ZMYND11: variants seen among roughly 807,000 people sequenced by gnomAD.
The protein encoded by ZMYND11 is zinc finger MYND-type containing 11.
Under a neutral mutation model 84.9 loss-of-function variants are expected in ZMYND11, and 9 were observed. The observed-to-expected ratio is 0.11, with a 90% CI of 0.06 to 0.18. The LOEUF (loss-of-function observed/expected upper bound fraction) is 0.18, where lower values mean the gene tolerates loss of function less well. ZMYND11 is among the 10% of genes least tolerant of loss of function. The probability of loss-of-function intolerance (pLI) is 1.00; values close to 1 mark genes in which losing one functional copy is unlikely to be tolerated. For missense variants in ZMYND11, 409 were observed against 761.0 expected, an observed-to-expected ratio of 0.54 and a Z score of 5.44; for synonymous variants, 250 against 244.1, an observed-to-expected ratio of 1.02 and a Z score of -0.23.
chr10:238,943 T>G (rs1280916167), intron 6 of ZMYND11, among the ~76,000 whole-genome samples: 2 of 152,192 alleles, frequency 1.3e-5, no homozygotes, highest in Non-Finnish European at 1.5e-5. Context: ...AGATGTTATT[T>G]TAAAATTATT....
At chr10:137,241 A>G (rs546729834) in intron 1 of ZMYND11, among the ~76,000 whole-genome samples, 1 of 152,004 alleles carries the variant, frequency 6.6e-6, no homozygotes, top group East Asian at 1.9e-4. Context: ...GGTCATATAC[A>G]GTGTGTACAT....
intron 8 of ZMYND11, 109 bp downstream of exon 8, chr10:240,220 T>G: frequency 9.9e-7 from 1 of 1,011,660 alleles, no homozygotes; most frequent in Non-Finnish European, 1.4e-6. Context: ...TAAATGTCTT[T>G]TATTGCCGGG....
At chr10:219,778 T>C (rs570243774) in intron 3 of ZMYND11, among the ~76,000 whole-genome samples, 1 of 152,252 alleles carries the variant, frequency 6.6e-6, no homozygotes, top group East Asian at 1.9e-4. Context: ...GAAATTACCA[T>C]ACCAAAGGAA....
chr10:201,917 A>T (rs1457518435), intron 2 of ZMYND11, among the ~76,000 whole-genome samples: 1 of 152,228 alleles, frequency 6.6e-6, no homozygotes, highest in East Asian at 1.9e-4. Flanking sequence ...AAGGCCACTT[A>T]TCAGTGTATC....
intron 4 of ZMYND11, 88 bp downstream of exon 4, chr10:221,444 A>G: frequency 1.4e-6 from 2 of 1,385,208 alleles, no homozygotes; most frequent in Non-Finnish European, 2.0e-6. Context: ...TGGTCTTGCC[A>G]GGTGAACGGA....
At chr10:248,691 C>G in intron 13 of ZMYND11, 83 bp downstream of exon 13, 6 of 1,479,880 alleles carry the variant, frequency 4.1e-6, no homozygotes, top group Admixed American at 4.8e-5. Flanking sequence ...TGCATCAACC[C>G]AGTAGCAGCT....
intron 6 of ZMYND11, among the ~76,000 whole-genome samples, chr10:239,125 C>T (rs1426815602): frequency 6.6e-6 from 1 of 152,320 alleles, no homozygotes; most frequent in East Asian, 1.9e-4. Flanking sequence ...CATTCGTGCA[C>T]TACCAAGCTT....
chr10:142,633 C>T (rs1837755939), intron 1 of ZMYND11, among the ~76,000 whole-genome samples: 1 of 152,178 alleles, frequency 6.6e-6, no homozygotes, highest in Non-Finnish European at 1.5e-5. Flanking sequence ...CCCTAAAACC[C>T]ATAAACTTCT....
intron 1 of ZMYND11, among the ~76,000 whole-genome samples, chr10:150,609 C>A (rs1363767324): frequency 1.3e-5 from 2 of 152,158 alleles, no homozygotes; most frequent in African/African-American, 4.8e-5. Context: ...TGGGTGGAGC[C>A]CACTGCAGCT....
chr10:190,474 C>T (rs776719415), intron 2 of ZMYND11, among the ~76,000 whole-genome samples: 32 of 152,298 alleles, frequency 2.1e-4, no homozygotes, highest in African/African-American at 6.7e-4. Flanking sequence ...TGCCTTGGGA[C>T]GCCCTTCCCA....
At chr10:210,541 C>T (rs1057269811) in intron 3 of ZMYND11, among the ~76,000 whole-genome samples, 7 of 152,148 alleles carry the variant, frequency 4.6e-5, no homozygotes, top group African/African-American at 1.2e-4. Flanking sequence ...CCAGTGCCTA[C>T]GTTGACTAAT....
At chr10:251,347 C>T (rs1282839400) in intron 14 of ZMYND11, among the ~76,000 whole-genome samples, 3 of 152,150 alleles carry the variant, frequency 2.0e-5, no homozygotes, top group South Asian at 2.1e-4. Flanking sequence ...CAAGCCGTTT[C>T]CAAAACTGAC....
intron 4 of ZMYND11, among the ~76,000 whole-genome samples, chr10:235,396 A>C (rs1949776752): frequency 6.6e-6 from 1 of 151,966 alleles, no homozygotes. Context: ...AAGTTATATC[A>C]ATTTGTCTCC....
At chr10:236,969 G>A (rs1950098543) in intron 5 of ZMYND11, 54 bp downstream of exon 5, 5 of 1,514,212 alleles carry the variant, frequency 3.3e-6, no homozygotes, top group Non-Finnish European at 4.5e-6. Context: ...TTTTACTATG[G>A]TTCATTCTTT....
chr10:206,971 A>G (rs1245256395), intron 2 of ZMYND11, among the ~76,000 whole-genome samples: 1 of 151,954 alleles, frequency 6.6e-6, no homozygotes, highest in African/African-American at 2.4e-5. Flanking sequence ...TATATCTCCT[A>G]ATGCTATGCC....
intron 8 of ZMYND11, 27 bp downstream of exon 8, chr10:240,138 C>G: frequency 1.3e-6 from 2 of 1,513,546 alleles, no homozygotes; most frequent in Non-Finnish European, 1.8e-6. Flanking sequence ...AATAGTTATA[C>G]TCTTTCTATA....
intron 10 of ZMYND11, among the ~76,000 whole-genome samples, chr10:245,472 TATC>T (rs1454495786): frequency 6.6e-6 from 1 of 152,184 alleles, no homozygotes; most frequent in African/African-American, 2.4e-5. Context: ...AAAACTGTGA[TATC>T]ATATATACTT....
intron 2 of ZMYND11, among the ~76,000 whole-genome samples, chr10:194,209 C>G (rs1410289274): frequency 3.4e-5 from 5 of 148,786 alleles, no homozygotes; most frequent in African/African-American, 1.0e-4. Flanking sequence ...AGGCTGGTCT[C>G]GAACTCCAGG....
intron 1 of ZMYND11, among the ~76,000 whole-genome samples, chr10:144,177 A>T (rs1554754652): frequency 6.6e-6 from 1 of 152,168 alleles, no homozygotes; most frequent in Non-Finnish European, 1.5e-5. Flanking sequence ...GCTGAGGAAA[A>T]ATTTACTATC....
Sources: gnomAD v4.1 joint callset for allele counts (sites outside exome capture counted in the v4.1 genomes callset) on GRCh38, gnomAD v4.1.1 for gene constraint, MANE v1.5 for transcripts, NCBI Gene and HGNC (gene_info 2026-07-23, HGNC 2026-07-21) for gene names.